PTTG1IP: variants seen among roughly 807,000 people sequenced by gnomAD.
PTTG1IP encodes pituitary tumor-transforming gene 1 protein-interacting protein.
A neutral mutation model predicts 24.4 loss-of-function variants in PTTG1IP; 16 were observed. The ratio of observed to expected loss-of-function variants is 0.66; its 90% CI spans 0.44 to 1.00. The LOEUF is 1.00. PTTG1IP is among the 50% of genes least tolerant of loss of function. The probability of loss-of-function intolerance (pLI) is 0.00; values close to 1 mark genes in which losing one functional copy is unlikely to be tolerated. For missense variants in PTTG1IP, 241 were observed against 245.8 expected (o/e 0.98, Z 0.13); for synonymous variants, 89 against 96.8 (o/e 0.92, Z 0.47).
chr21:44,863,069 C>T (rs2083504769), intron 2 of PTTG1IP, among the ~76,000 whole-genome samples: 1 of 135,638 alleles, frequency 7.4e-6, no homozygotes, highest in Non-Finnish European at 1.7e-5. Context: ...GACACACAGC[C>T]CGCCACGGCC....
intron 5 of PTTG1IP, among the ~76,000 whole-genome samples, 198 bp from the exon 6 acceptor site, chr21:44,851,825 C>T (rs1419884071): frequency 6.6e-6 from 1 of 152,186 alleles, no homozygotes; most frequent in East Asian, 1.9e-4. Context: ...ATAAAATTTA[C>T]TAGAAACAAG....
chr21:44,852,213 G>C (rs978105008), intron 5 of PTTG1IP, among the ~76,000 whole-genome samples: 21 of 150,348 alleles, frequency 1.4e-4, no homozygotes, highest in African/African-American at 4.9e-4. Context: ...ACAGAGTTTT[G>C]CTCTTGTTGC....
intron 2 of PTTG1IP, chr21:44,861,721 T>A (rs1408392604): frequency 2.8e-6 from 2 of 716,454 alleles, no homozygotes; most frequent in African/African-American, 3.5e-5. Context: ...CACCCCCTCC[T>A]CCTCACCTCC....
intron 1 of PTTG1IP, among the ~76,000 whole-genome samples, chr21:44,868,811 T>TG (rs1272015468): frequency 3.3e-5 from 5 of 152,172 alleles, no homozygotes; most frequent in Non-Finnish European, 5.9e-5. Flanking sequence ...CCCCCGAAGA[T>TG]GCCAAGTCCA....
Position 44,860,107 on chromosome 21 carries a change from G to A in PTTG1IP, c.277+1056C>T, listed in dbSNP as rs137874067. Among the ~76,000 whole-genome samples, 82 of 152,280 alleles carry A rather than the reference G, an allele frequency of 5.4e-4. No homozygotes were observed. In the East Asian group the frequency reaches 6.6e-3, roughly 12 times the overall value. On this transcript the variant is annotated intron_variant, in intron 3 of 5. Coordinates refer to ENST00000330938, the MANE Select transcript of PTTG1IP (RefSeq NM_004339.4). The stretch of plus-strand genomic sequence containing the variant: ...TACGGGGCTGGGCGCAGTGGCTCAC[G>A]CCTGTAATCCCAGCACTTTGGGAGG...
chr21:44,852,784 A>G (rs567939125), intron 5 of PTTG1IP, among the ~76,000 whole-genome samples: 2 of 152,282 alleles, frequency 1.3e-5, no homozygotes, highest in Non-Finnish European at 2.9e-5. Context: ...GGGAAAACCA[A>G]AACCAAAAGA....
chr21:44,869,919 C>G (rs2083570462), intron 1 of PTTG1IP, among the ~76,000 whole-genome samples: 1 of 152,170 alleles, frequency 6.6e-6, no homozygotes, highest in Admixed American at 6.5e-5. Flanking sequence ...AAGCTTCTTT[C>G]TGATAACTAG....
intron 2 of PTTG1IP, chr21:44,861,979 C>A: frequency 1.6e-6 from 1 of 645,158 alleles, no homozygotes; most frequent in Non-Finnish European, 2.8e-6. Flanking sequence ...TCAGCCCGCC[C>A]TAAACTGACA....
chr21:44,861,109 CTAT>C (rs2083488194), intron 3 of PTTG1IP, 51 bp downstream of exon 3: 21 of 1,526,200 alleles, frequency 1.4e-5, no homozygotes, highest in Non-Finnish European at 1.6e-5. Flanking sequence ...GCCCATACTA[CTAT>C]TTTCAAAGAA....
At position 44,849,911 on chromosome 21, in the gene PTTG1IP, T is replaced by C. The variant is rs1188201798; in HGVS notation, c.*1670A>G. ...TCTTTTATGAATAAACAATACAAAG[T>C]CCAATTTTGATGGCTGCTATAAAAT... On this transcript the variant is annotated 3_prime_UTR_variant, in exon 6 of 6. Coordinates refer to ENST00000330938, the MANE Select transcript of PTTG1IP (RefSeq NM_004339.4). 1 of 152,174 alleles carries C rather than the reference T, an allele frequency of 6.6e-6. No homozygotes were observed. The allele number at this position is 152,174 out of a possible 1,614,324, so 9.4% of individuals were successfully genotyped here.
At position 44,861,146 on chromosome 21, in the gene PTTG1IP, T is replaced by C; in HGVS notation, c.277+17A>G. On this transcript the variant is annotated intron_variant, in intron 3 of 5. Transcript: ENST00000330938. ...AAGCATCGATTTTGCAAGCAGCAAATGAAAACAATGACTTACCCCAACAAA... is the reference window on the plus strand; with the variant it reads ...AAGCATCGATTTTGCAAGCAGCAAACGAAAACAATGACTTACCCCAACAAA... 1 of 1,598,350 alleles carries C rather than the reference T, an allele frequency of 6.3e-7. No individual in the cohort carries two copies. The highest frequency in any genetic ancestry group is 8.5e-7 in the Non-Finnish European group (1 of 1,169,614).
intron 1 of PTTG1IP, among the ~76,000 whole-genome samples, chr21:44,872,488 G>A (rs569681601): frequency 2.6e-5 from 4 of 152,260 alleles, no homozygotes; most frequent in African/African-American, 9.6e-5. Flanking sequence ...GGAAACTGAA[G>A]TTAAGGTGGC....
Position 44,863,983 on chromosome 21 carries a change from G to A in PTTG1IP, c.168+1412C>T, listed in dbSNP as rs577298740. 3.3e-5 allele frequency among the ~76,000 whole-genome samples: 5 copies of A among 151,770 alleles called. No homozygotes were observed. In the South Asian group the frequency reaches 8.3e-4, roughly 25 times the overall value. ...CTCCTCAAACCTACGCTACGGTCTCGTGGAGGAAGAAGAGTTTTTAAGAAC... is the reference window on the plus strand; with the variant it reads ...CTCCTCAAACCTACGCTACGGTCTCATGGAGGAAGAAGAGTTTTTAAGAAC... On this transcript the variant is annotated intron_variant, in intron 2 of 5. Transcript: ENST00000330938.
chr21:44,857,731 G>A (rs781650474), intron 3 of PTTG1IP, among the ~76,000 whole-genome samples: 2 of 152,178 alleles, frequency 1.3e-5, no homozygotes, highest in East Asian at 1.9e-4. Context: ...CTGCTGCCCC[G>A]GACGCTGAGA....
At chr21:44,865,271 T>TC (rs1263814501) in intron 2 of PTTG1IP, 124 bp downstream of exon 2, 4 of 936,790 alleles carry the variant, frequency 4.3e-6, no homozygotes, top group African/African-American at 1.7e-5. Context: ...CCAAAAAACA[T>TC]CCCCCCAAAT....
chr21:44,870,599 C>T lies in PTTG1IP; in HGVS notation c.115+2903G>A, dbSNP rs368759181. On this transcript the variant is annotated intron_variant, in intron 1 of 5. Coordinates refer to ENST00000330938, the MANE Select transcript of PTTG1IP (RefSeq NM_004339.4). ...CTTCAAAGACAAGCAGTGTTTATTT[C>T]TCTAAGTGATCACTATCTCTTATCT... Among the ~76,000 whole-genome samples the T allele has an allele frequency of 2.0e-5, 3 of 148,616 alleles. No homozygotes were observed. The East Asian group carries it at 6.1e-4, about 30-fold the overall frequency.
Position 44,849,928 on chromosome 21 carries a change from C to T in PTTG1IP, c.*1653G>A, listed in dbSNP as rs1459999456. The T allele has an allele frequency of 6.6e-6, 1 of 152,184 alleles. No homozygotes were observed. Among genetic ancestry groups the T allele is most frequent in the Non-Finnish European group, 1.5e-5 (1 of 68,024 alleles). The allele number at this position is 152,184 out of a possible 1,614,324, so 9.4% of individuals were successfully genotyped here. A position where few individuals can be genotyped will look rare whatever the true frequency, so the allele number is the denominator to read the frequency against. On this transcript the variant is annotated 3_prime_UTR_variant, in exon 6 of 6. Transcript: ENST00000330938. ...ATACAAAGTCCAATTTTGATGGCTG[C>T]TATAAAATACTTAGGAATCTCTGCA...
chr21:44,867,923 C>T (rs192613631), intron 1 of PTTG1IP, among the ~76,000 whole-genome samples: 2 of 152,352 alleles, frequency 1.3e-5, no homozygotes, highest in East Asian at 3.9e-4. Context: ...TGTAGTTCTA[C>T]ACTCCACTTT....
At chr21:44,870,280 C>A (rs1346928833) in intron 1 of PTTG1IP, among the ~76,000 whole-genome samples, 1 of 152,164 alleles carries the variant, frequency 6.6e-6, no homozygotes, top group Non-Finnish European at 1.5e-5. Context: ...GTGGCTCACG[C>A]CTGTAATCCC....
Sources: allele counts gnomAD v4.1 joint callset (sites outside exome capture counted in the v4.1 genomes callset), GRCh38; gene constraint gnomAD v4.1.1; transcripts MANE v1.5; gene names NCBI Gene and HGNC (gene_info 2026-07-23, HGNC 2026-07-21).